Variants in EPS15 observed in about 807,000 individuals in gnomAD.
EPS15 encodes the protein epidermal growth factor receptor substrate 15.
Under a neutral mutation model 113.8 loss-of-function variants are expected in EPS15, and 72 were observed. The observed-to-expected ratio is 0.63, with a 90% CI of 0.52 to 0.77. The LOEUF (loss-of-function observed/expected upper bound fraction) is 0.77, where lower values mean the gene tolerates loss of function less well. EPS15 is among the 30% of genes least tolerant of loss of function. EPS15 has a pLI of 0.00. For synonymous variants in EPS15, 344 were observed against 363.4 expected (o/e 0.95, Z 0.61); for missense variants, 1,048 against 1,045.8 (o/e 1.00, Z -0.03).
At chr1:51,437,493 T>A (rs200748588) in intron 12 of EPS15, among the ~76,000 whole-genome samples, 91 of 128,860 alleles carry the variant, frequency 7.1e-4, no homozygotes, top group East Asian at 6.0e-3. Flanking sequence ...AAAAAAAAAA[T>A]TTTTTTTTTT....
chr1:51,418,071 A>C (rs955809247), intron 13 of EPS15, among the ~76,000 whole-genome samples: 8 of 152,154 alleles, frequency 5.3e-5, no homozygotes, highest in Admixed American at 3.9e-4. Flanking sequence ...GTGAGAAAGA[A>C]AAATAGGAAA....
At chr1:51,372,824 G>A in intron 21 of EPS15, 1 of 499,766 alleles carries the variant, frequency 2.0e-6, no homozygotes. Context: ...GTCTTTACCA[G>A]CTGATCACAA....
chr1:51,394,559 T>C (rs573644067), intron 20 of EPS15, 112 bp from the exon 21 acceptor site: 13 of 539,330 alleles, frequency 2.4e-5, no homozygotes, highest in Admixed American at 7.3e-5. Context: ...TTAAGGAATA[T>C]AGACATTAGG....
intron 1 of EPS15, among the ~76,000 whole-genome samples, chr1:51,518,148 C>G (rs1481795649): frequency 2.6e-5 from 4 of 152,096 alleles, no homozygotes; most frequent in Non-Finnish European, 5.9e-5. Flanking sequence ...GTCACAGGAG[C>G]AGGAAGGAAC....
At chr1:51,376,717 A>C (rs1296822845) in intron 21 of EPS15, among the ~76,000 whole-genome samples, 2 of 152,182 alleles carry the variant, frequency 1.3e-5, no homozygotes, top group African/African-American at 4.8e-5. Context: ...AATGCACCTA[A>C]GTCACCCAGA....
rs984139961 is a variant in EPS15, at chr1:51,355,722, A to C, written c.*978T>G. The C allele has an allele frequency of 5.3e-6, 1 of 188,496 alleles. No homozygotes were observed. Among genetic ancestry groups the C allele is most frequent in the Non-Finnish European group, 1.1e-5 (1 of 89,838 alleles). 11.7% of individuals were successfully genotyped at this position (188,496 alleles called of 1,614,324 possible). ...GTAAATGAGCCTTCATTAAAAAAAA[A>C]AAAACAAATATATATGAAAAATTAA... is the stretch of plus-strand genomic sequence containing the variant. On this transcript the variant is annotated 3_prime_UTR_variant, in exon 25 of 25. Coordinates refer to ENST00000371733, the MANE Select transcript of EPS15 (RefSeq NM_001981.3).
intron 1 of EPS15, among the ~76,000 whole-genome samples, chr1:51,508,907 G>A (rs1443439705): frequency 6.6e-6 from 1 of 152,068 alleles, no homozygotes; most frequent in Admixed American, 6.6e-5. Context: ...ATCCTTTCAA[G>A]TACAGTTTAA....
intron 12 of EPS15, among the ~76,000 whole-genome samples, chr1:51,430,972 T>TTACA (rs1210145447): frequency 2.2e-4 from 20 of 89,574 alleles, no homozygotes; most frequent in African/African-American, 6.6e-4. Context: ...AATACATTAC[T>TTACA]TACATACACA....
At chr1:51,398,093 A>T (rs960025323) in intron 20 of EPS15, among the ~76,000 whole-genome samples, 1 of 148,330 alleles carries the variant, frequency 6.7e-6, no homozygotes, top group Admixed American at 6.8e-5. Context: ...TCGCTCTGTC[A>T]CCCAGGCTGG....
intron 13 of EPS15, among the ~76,000 whole-genome samples, chr1:51,416,092 T>A (rs1650197826): frequency 6.6e-6 from 1 of 152,128 alleles, no homozygotes; most frequent in African/African-American, 2.4e-5. Flanking sequence ...CCTCTCTCTC[T>A]CTTCCTGCTC....
intron 1 of EPS15, among the ~76,000 whole-genome samples, chr1:51,510,428 G>A (rs1644599132): frequency 6.6e-6 from 1 of 152,186 alleles, no homozygotes; most frequent in South Asian, 2.1e-4. Flanking sequence ...ATGCCTACTT[G>A]TAGAAAGGCT....
intron 1 of EPS15, among the ~76,000 whole-genome samples, chr1:51,507,677 GA>G (rs1557535483): frequency 1.3e-5 from 2 of 150,902 alleles, no homozygotes; most frequent in African/African-American, 4.9e-5. Context: ...AAAAAAAGGA[GA>G]ACAGAATAAA....
At chr1:51,365,645 CA>C (rs1278974303) in intron 22 of EPS15, among the ~76,000 whole-genome samples, 1 of 152,120 alleles carries the variant, frequency 6.6e-6, no homozygotes, top group African/African-American at 2.4e-5. Flanking sequence ...AGACAGTCAA[CA>C]GGGGGAAAAT....
At chr1:51,500,464 G>GT (rs200469453) in intron 1 of EPS15, among the ~76,000 whole-genome samples, 4,848 of 152,160 alleles carry the variant, frequency 0.032, 129 homozygotes, top group Non-Finnish European at 0.05. Context: ...CTAGTTACTG[G>GT]TTTTTTTATC....
chr1:51,415,594 C>T (rs1393343453), intron 13 of EPS15, among the ~76,000 whole-genome samples: 2 of 151,326 alleles, frequency 1.3e-5, no homozygotes, highest in South Asian at 2.1e-4. Context: ...GTCAGAAGTT[C>T]GAGACCAGCC....
chr1:51,464,673 T>C (rs1160932356), intron 6 of EPS15, among the ~76,000 whole-genome samples: 1 of 152,208 alleles, frequency 6.6e-6, no homozygotes, highest in African/African-American at 2.4e-5. Flanking sequence ...TGAAAAACTA[T>C]TGTTCATTAT....
At chr1:51,391,571 G>A (rs989752878) in intron 21 of EPS15, among the ~76,000 whole-genome samples, 2 of 152,170 alleles carry the variant, frequency 1.3e-5, no homozygotes, top group Non-Finnish European at 2.9e-5. Context: ...GGAACAGCTA[G>A]TGCAAAGGGC....
chr1:51,403,599 G>A, intron 16 of EPS15, 67 bp from the exon 17 acceptor site: 4 of 792,720 alleles, frequency 5.0e-6, no homozygotes, highest in South Asian at 2.1e-5. Flanking sequence ...ACTGACTAAA[G>A]ATAACCAAAA....
At chr1:51,400,069 T>C (rs537977740) in intron 19 of EPS15, among the ~76,000 whole-genome samples, 3 of 152,328 alleles carry the variant, frequency 2.0e-5, no homozygotes, top group Non-Finnish European at 2.9e-5. Flanking sequence ...CAATAAAAAC[T>C]TCTAAATGTA....
Sources: gnomAD v4.1 joint callset for allele counts (sites outside exome capture counted in the v4.1 genomes callset) on GRCh38, gnomAD v4.1.1 for gene constraint, MANE v1.5 for transcripts, NCBI Gene and HGNC (gene_info 2026-07-23, HGNC 2026-07-21) for gene names.